Variants in KLHL4 observed in about 807,000 individuals in gnomAD.
KLHL4 encodes the protein kelch-like protein 4.
Under a neutral mutation model 45.8 loss-of-function variants are expected in KLHL4, and 17 were observed. That is an observed-to-expected ratio of 0.37 (90% CI 0.25 to 0.56). KLHL4 has a LOEUF of 0.56. KLHL4 is among the 20% of genes least tolerant of loss of function. The pLI, the probability that KLHL4 is intolerant of heterozygous loss-of-function variation, is 0.79. For missense variants in KLHL4, 544 were observed against 544.9 expected, an observed-to-expected ratio of 1.00 and a Z score of 0.02; for synonymous variants, 224 against 189.9, an observed-to-expected ratio of 1.18 and a Z score of -1.47.
At chrX:87,635,513 A>AT (rs748266595) in intron 8 of KLHL4, 50 bp from the exon 9 acceptor site, 1 of 948,772 alleles carries the variant, frequency 1.1e-6, no homozygotes, top group Non-Finnish European at 1.5e-6. Flanking sequence ...TTTTGTGTGT[A>AT]TATGTATACA....
chrX:87,608,711 G>A (rs1008349698), intron 1 of KLHL4, among the ~76,000 whole-genome samples: 9 of 110,840 alleles, frequency 8.1e-5, no homozygotes, highest in Non-Finnish European at 1.5e-4. Flanking sequence ...GGGATCAAGC[G>A]AGAGGAAGGG....
At chrX:87,542,938 T>G (rs1199937912) in intron 1 of KLHL4, among the ~76,000 whole-genome samples, 1 of 111,632 alleles carries the variant, frequency 9.0e-6, no homozygotes, top group Admixed American at 9.5e-5. Context: ...GTAATCCCTT[T>G]GTATCCATGG....
At position 87,669,449 on chromosome X, in the gene KLHL4, G is replaced by C. The variant is rs2147847825; in HGVS notation, c.*2915G>C. The stretch of plus-strand genomic sequence containing the variant: ...CATTTATCAATCTGACTCAGGTGTG[G>C]CTGTTGCCCCTTTTTGATATGGAGG... On this transcript the variant is annotated 3_prime_UTR_variant, in exon 11 of 11. Coordinates refer to ENST00000373119, the MANE Select transcript of KLHL4 (RefSeq NM_019117.5). 8.4e-7 allele frequency: 1 copy of C among 1,186,519 alleles called. No homozygotes were observed. Among genetic ancestry groups the C allele is most frequent in the Non-Finnish European group, 1.1e-6 (1 of 882,935 alleles).
chrX:87,521,783 G>A (rs1445526089), intron 1 of KLHL4, among the ~76,000 whole-genome samples: 2 of 112,170 alleles, frequency 1.8e-5, no homozygotes, highest in African/African-American at 6.5e-5. Context: ...ATTGATTAAT[G>A]TTCAAAATAT....
In KLHL4 at chrX:87,555,654, C is replaced by T. The variant is rs1255814086; in HGVS notation, c.422+37339C>T. 2.0e-4 allele frequency among the ~76,000 whole-genome samples: 21 copies of T among 105,634 alleles called. 1 individual carries two copies. Among genetic ancestry groups the T allele is most frequent in the African/African-American group, 6.9e-4 (20 of 29,092 alleles). The allele number at this position is 105,634 out of a possible 115,157, so 91.7% of individuals were successfully genotyped here. ...CTAGTGGTCTATCAATTTTGTTGAT[C>T]CTTTCAAAAAACCAGCTCCTGGATT... On this transcript the variant is annotated intron_variant, in intron 1 of 10. Coordinates refer to ENST00000373119, the MANE Select transcript of KLHL4 (RefSeq NM_019117.5).
chrX:87,636,212 T>A (rs1243039961), intron 9 of KLHL4, among the ~76,000 whole-genome samples: 20 of 112,148 alleles, frequency 1.8e-4, no homozygotes, highest in Admixed American at 9.5e-5. Flanking sequence ...AAAAAGAATA[T>A]GTCATCTTAT....
At chrX:87,654,221 T>C (rs192085063) in intron 9 of KLHL4, among the ~76,000 whole-genome samples, 109 of 112,004 alleles carry the variant, frequency 9.7e-4, no homozygotes, top group Middle Eastern at 4.6e-3. Context: ...TGGAGAAGTC[T>C]GGGCTTTTAG....
intron 1 of KLHL4, among the ~76,000 whole-genome samples, chrX:87,558,305 C>T (rs1279520332): frequency 3.6e-5 from 4 of 110,913 alleles, no homozygotes; most frequent in South Asian, 3.7e-4. Context: ...AAAATGAGGA[C>T]GGTACATGTA....
chrX:87,611,789 A>C (rs976389560), intron 1 of KLHL4, among the ~76,000 whole-genome samples: 6 of 110,735 alleles, frequency 5.4e-5, no homozygotes, highest in Non-Finnish European at 1.1e-4. Context: ...GCATTCCAGA[A>C]GAAGGCAGAG....
intron 1 of KLHL4, among the ~76,000 whole-genome samples, chrX:87,602,875 A>G (rs749632308): frequency 1.1e-3 from 124 of 112,166 alleles, no homozygotes; most frequent in Middle Eastern, 4.7e-3. Flanking sequence ...CTGGGCAGAT[A>G]TCTTTTTAGA....
At chrX:87,585,154 A>C (rs900647620) in intron 1 of KLHL4, among the ~76,000 whole-genome samples, 1 of 111,672 alleles carries the variant, frequency 9.0e-6, no homozygotes, top group Non-Finnish European at 1.9e-5. Flanking sequence ...TTATTCAAAC[A>C]TGAAAAGGAA....
At chrX:87,539,823 G>A (rs897795302) in intron 1 of KLHL4, among the ~76,000 whole-genome samples, 3 of 111,210 alleles carry the variant, frequency 2.7e-5, no homozygotes, top group African/African-American at 9.8e-5. Context: ...CATCTATGAA[G>A]AGCCATTTTC....
At chrX:87,551,611 A>AT in intron 1 of KLHL4, among the ~76,000 whole-genome samples, 2 of 111,115 alleles carry the variant, frequency 1.8e-5, no homozygotes, top group African/African-American at 3.3e-5. Context: ...AGATAGATAG[A>AT]AATAGAAATC....
intron 5 of KLHL4, among the ~76,000 whole-genome samples, chrX:87,625,013 T>C (rs1275041061): frequency 8.9e-6 from 1 of 112,569 alleles, no homozygotes; most frequent in Non-Finnish European, 1.9e-5. Flanking sequence ...GATTGCTACT[T>C]GTATTAGCCA....
intron 9 of KLHL4, among the ~76,000 whole-genome samples, chrX:87,658,302 A>C (rs1438081632): frequency 9.0e-6 from 1 of 111,621 alleles, no homozygotes; most frequent in Non-Finnish European, 1.9e-5. Flanking sequence ...CCTGTTTGAG[A>C]CTAGATCACA....
intron 1 of KLHL4, among the ~76,000 whole-genome samples, chrX:87,539,646 C>G (rs1163195823): frequency 9.0e-6 from 1 of 110,727 alleles, no homozygotes; most frequent in African/African-American, 3.3e-5. Flanking sequence ...TGATGAGATA[C>G]CAACATCTGA....
intron 1 of KLHL4, among the ~76,000 whole-genome samples, chrX:87,571,306 TTAC>T (rs1932330500): frequency 9.0e-6 from 1 of 111,068 alleles, no homozygotes. Context: ...ACTTTTTACC[TTAC>T]TACAACAAAA....
chrX:87,656,935 G>C (rs1924010051), intron 9 of KLHL4, among the ~76,000 whole-genome samples: 1 of 111,802 alleles, frequency 8.9e-6, no homozygotes, highest in African/African-American at 3.3e-5. Flanking sequence ...TTGAGTCTCA[G>C]TGTTTTCAGT....
Position 87,666,471 on chromosome X carries a change from T to C in KLHL4, c.2098-4T>C. 8.5e-7 allele frequency: 1 copy of C among 1,181,156 alleles called. No homozygotes were observed. Among genetic ancestry groups the C allele is most frequent in the South Asian group, 1.8e-5 (1 of 54,881 alleles). ...AGTGTTTTGTTTCTTATTTTGTGTT[T>C]TAGGAAGTTCCTGTTAACATTGGAA... On this transcript the variant is annotated splice_polypyrimidine_tract_variant and splice_region_variant and intron_variant, in intron 10 of 10. Transcript: ENST00000373119.
Sources: gnomAD v4.1 joint callset for allele counts (sites outside exome capture counted in the v4.1 genomes callset) on GRCh38, gnomAD v4.1.1 for gene constraint, MANE v1.5 for transcripts, NCBI Gene and HGNC (gene_info 2026-07-23, HGNC 2026-07-21) for gene names.